Variants in GCA observed in about 807,000 individuals in gnomAD.
GCA encodes grancalcin, also known as grancalcin, EF-hand calcium-binding protein.
Under a neutral mutation model 32.6 loss-of-function variants are expected in GCA, and 30 were observed. The observed-to-expected ratio is 0.92, with a 90% confidence interval of 0.69 to 1.25. GCA has a LOEUF of 1.25. GCA is among the 50% of genes most tolerant of loss of function. GCA has a pLI of 0.00. For missense variants in GCA, 291 were observed against 266.8 expected (o/e 1.09, Z -0.63); for synonymous variants, 102 against 84.6 (o/e 1.21, Z -1.13).
At chr2:162,374,619 T>G (rs1441753895), downstream of GCA, among the ~76,000 whole-genome samples, 1 of 152,154 alleles carries the variant, frequency 6.6e-6, no homozygotes, top group East Asian at 1.9e-4. Flanking sequence ...TTTGCCCAAT[T>G]AAATTCATGC....
chr2:162,356,636 C>T (rs1685284655), intron 4 of GCA, 122 bp from the exon 5 acceptor site: 2 of 855,636 alleles, frequency 2.3e-6, no homozygotes, highest in Non-Finnish European at 1.9e-6. Flanking sequence ...AGTTTTTATG[C>T]AGAAGTCTGT....
intron 3 of GCA, among the ~76,000 whole-genome samples, chr2:162,354,149 C>T (rs991296137): frequency 1.3e-5 from 2 of 151,850 alleles, no homozygotes; most frequent in Admixed American, 1.3e-4. Context: ...ATGTTAGGTG[C>T]TTTTCTCAGT....
intron 2 of GCA, among the ~76,000 whole-genome samples, chr2:162,351,735 G>A (rs1037998704): frequency 6.6e-6 from 1 of 152,118 alleles, no homozygotes; most frequent in Admixed American, 6.5e-5. Flanking sequence ...AAAACAGGAT[G>A]AGGTACTAAA....
chr2:162,344,607 C>T, intron 1 of GCA: 2 of 426,974 alleles, frequency 4.7e-6, no homozygotes, highest in South Asian at 3.5e-5. Flanking sequence ...GTACTTCCCT[C>T]CCCCGCCCCC....
chr2:162,372,390 C>T (rs187800066), downstream of GCA, among the ~76,000 whole-genome samples: 6 of 151,784 alleles, frequency 4.0e-5, no homozygotes, highest in Admixed American at 2.6e-4. Context: ...GAATTAAATT[C>T]GAAATTTAAG....
chr2:162,367,015 C>T (rs1327831019), downstream of GCA, among the ~76,000 whole-genome samples: 3 of 151,940 alleles, frequency 2.0e-5, no homozygotes, highest in Non-Finnish European at 4.4e-5. Flanking sequence ...AAATCACACA[C>T]AGATTTACTG....
rs1685569731 is a variant in GCA at position 162,361,524 on chromosome 2, T to C, written c.*1281T>C. 3 of 979,230 alleles carry C rather than the reference T, an allele frequency of 3.1e-6. No individual in the cohort carries two copies. The highest frequency in any genetic ancestry group is 2.4e-6 in the Non-Finnish European group (2 of 824,596). The allele number at this position is 979,230 out of a possible 1,614,324, so 60.7% of individuals were successfully genotyped here. ...ATAAAATCCCATGTTTCTTAATGGA[T>C]GGAGGATAGATGGCAATATCTTGAA... On this transcript the variant is annotated 3_prime_UTR_variant, in exon 8 of 8. Transcript: ENST00000437150.
At chr2:162,363,295 T>C (rs1308860671), downstream of GCA, among the ~76,000 whole-genome samples, 1 of 151,454 alleles carries the variant, frequency 6.6e-6, no homozygotes, top group Non-Finnish European at 1.5e-5. Context: ...CCATAAGCTT[T>C]AAAATGCAAC....
At chr2:162,364,674 AT>A (rs1470209735), downstream of GCA, among the ~76,000 whole-genome samples, 2 of 151,532 alleles carry the variant, frequency 1.3e-5, no homozygotes, top group East Asian at 3.9e-4. Context: ...AACACATTTT[AT>A]TTACAAGTTT....
intron 1 of GCA, among the ~76,000 whole-genome samples, chr2:162,330,030 T>C (rs1340624449): frequency 6.6e-6 from 1 of 152,214 alleles, no homozygotes; most frequent in Non-Finnish European, 1.5e-5. Context: ...CTGCATGGTT[T>C]TCAATGGTAT....
upstream of GCA, chr2:162,343,972 G>C (rs1003345124): frequency 9.8e-6 from 5 of 508,050 alleles, no homozygotes; most frequent in Non-Finnish European, 1.8e-5. Context: ...CTCCCGATGG[G>C]GTGTAGCCAA....
intron 1 of GCA, among the ~76,000 whole-genome samples, chr2:162,328,870 AG>A (rs1683980650): frequency 6.6e-6 from 1 of 152,160 alleles, no homozygotes; most frequent in African/African-American, 2.4e-5. Flanking sequence ...GGAAGTCAGA[AG>A]GGAATTGAAT....
At chr2:162,324,181 G>A (rs1468140050) in intron 1 of GCA, among the ~76,000 whole-genome samples, 2 of 152,144 alleles carry the variant, frequency 1.3e-5, no homozygotes, top group Admixed American at 1.3e-4. Context: ...TCTATAGGTG[G>A]CTTGTGTTAA....
chr2:162,331,798 C>T (rs932709697), intron 1 of GCA, among the ~76,000 whole-genome samples: 5 of 152,100 alleles, frequency 3.3e-5, no homozygotes, highest in African/African-American at 1.2e-4. Context: ...AGCTTGCTGG[C>T]CTGAGCAGGA....
At chr2:162,349,124 AAAAC>A (rs1436454288) in intron 2 of GCA, among the ~76,000 whole-genome samples, 1 of 152,032 alleles carries the variant, frequency 6.6e-6, no homozygotes, top group Non-Finnish European at 1.5e-5. Flanking sequence ...TCCTAATGTA[AAAAC>A]AAACATAATA....
chr2:162,360,539 T>A lies in GCA; in HGVS notation c.*296T>A. 9.5e-7 allele frequency: 1 copy of A among 1,054,110 alleles called. No homozygotes were observed. The highest frequency in any genetic ancestry group is 3.2e-5 in the East Asian group (1 of 31,072). The allele number at this position is 1,054,110 out of a possible 1,614,324, so 65.3% of individuals were successfully genotyped here. A position where few individuals can be genotyped will look rare whatever the true frequency, so the allele number is the denominator to read the frequency against. On this transcript the variant is annotated 3_prime_UTR_variant, in exon 8 of 8. Transcript: ENST00000437150. ...TAGCCTTAATTTTAGATAATGTAAA[T>A]TTAGAGGAATGTACTTTACAAGATA...
intron 1 of GCA, among the ~76,000 whole-genome samples, chr2:162,337,215 G>C (rs1269273321): frequency 6.6e-6 from 1 of 152,168 alleles, no homozygotes; most frequent in Non-Finnish European, 1.5e-5. Flanking sequence ...GCAGAGGTAG[G>C]GAGAAGAGTG....
intron 1 of GCA, among the ~76,000 whole-genome samples, chr2:162,326,141 A>T (rs1558883663): frequency 6.6e-6 from 1 of 152,146 alleles, no homozygotes; most frequent in Non-Finnish European, 1.5e-5. Flanking sequence ...CTTCCCTGAG[A>T]CAGGAAACAG....
chr2:162,319,022 C>T, upstream of GCA: 1 of 391,558 alleles, frequency 2.6e-6, no homozygotes, highest in Non-Finnish European at 5.2e-6. Context: ...GCCACAGACC[C>T]GGACGTGAAC....
Sources: allele counts gnomAD v4.1 joint callset (sites outside exome capture counted in the v4.1 genomes callset), GRCh38; gene constraint gnomAD v4.1.1; transcripts MANE v1.5; gene names NCBI Gene and HGNC (gene_info 2026-07-23, HGNC 2026-07-21).